The following TYR variants were observed in gnomAD, a reference collection of about 807,000 sequenced individuals.
TYR encodes the protein LB24-AB.
Under a neutral mutation model 51.5 loss-of-function variants are expected in TYR, and 58 were observed. The ratio of observed to expected loss-of-function variants is 1.13; its 90% confidence interval spans 0.91 to 1.40. TYR has a LOEUF of 1.40. Among genes scored for constraint, TYR ranks in the 40% most tolerant of loss-of-function variants. The probability of loss-of-function intolerance (pLI) is 0.00; values close to 1 mark genes in which losing one functional copy is unlikely to be tolerated. For missense variants in TYR, 732 were observed against 647.4 expected (o/e 1.13, Z -1.42); for synonymous variants, 263 against 235.2 (o/e 1.12, Z -1.08).
chr11:89,262,847 C>CAAAAAAAAAAAAAAAAAAAAAAAA (rs771958187), intron 3 of TYR, among the ~76,000 whole-genome samples: 4 of 19,306 alleles, frequency 2.1e-4, no homozygotes, highest in Admixed American at 7.5e-4. Context: ...GCTACTCATC[C>CAAAAAAAAAAAAAAAAAAAAAAAA]AAAAAAAAAA....
chr11:89,250,501 T>A (rs1028912276), intron 3 of TYR, among the ~76,000 whole-genome samples: 1 of 151,860 alleles, frequency 6.6e-6, no homozygotes, highest in Non-Finnish European at 1.5e-5. Context: ...GTATATTAGT[T>A]TTCTAGGGCT....
At position 89,178,694 on chromosome 11, in the gene TYR, C is replaced by A. The variant is rs1185485047; in HGVS notation, c.741C>A (p.Cys247Ter). The A allele has an allele frequency of 5.0e-6, 8 of 1,613,972 alleles. No homozygotes were observed. Among genetic ancestry groups the A allele is most frequent in the Non-Finnish European group, 5.9e-6 (7 of 1,179,958 alleles). The change falls in exon 1 of 5, where the codon TGC becomes TGA. Residue 247 changes from cysteine to a stop codon, truncating the protein, a stop_gained. Coordinates refer to ENST00000263321, the MANE Select transcript of TYR (RefSeq NM_000372.5). LOFTEE classifies it high-confidence loss of function. ...DWRDAEKCDICTDEYMGGQHP... is the reference protein window; with the variant it reads ...DWRDAEKCDI ...GGGATGCAGAAAAGTGTGACATTTG[C>A]ACAGATGAGTACATGGGAGGTCAGC...
At chr11:89,221,417 A>C (rs1943911180) in intron 2 of TYR, among the ~76,000 whole-genome samples, 1 of 152,200 alleles carries the variant, frequency 6.6e-6, no homozygotes, top group African/African-American at 2.4e-5. Context: ...ATGCTAATTA[A>C]TTACATTTAT....
At chr11:89,254,505 T>G (rs11018555) in intron 3 of TYR, among the ~76,000 whole-genome samples, 78,255 of 151,324 alleles carry the variant, frequency 0.52, 22,875 homozygotes, top group African/African-American at 0.82. Context: ...GTCGCTGCTT[T>G]TTATTGGTCT....
At chr11:89,239,426 T>C (rs548337998) in intron 3 of TYR, among the ~76,000 whole-genome samples, 1 of 152,208 alleles carries the variant, frequency 6.6e-6, no homozygotes, top group Non-Finnish European at 1.5e-5. Context: ...CTCTTTCATT[T>C]CTAATTTTAT....
chr11:89,229,436 T>G (rs192119015), intron 3 of TYR, among the ~76,000 whole-genome samples: 1 of 152,058 alleles, frequency 6.6e-6, no homozygotes, highest in South Asian at 2.1e-4. Flanking sequence ...CACTTTTTGG[T>G]GTAAATTTTT....
chr11:89,252,249 T>C (rs1488945747), intron 3 of TYR, among the ~76,000 whole-genome samples: 4 of 151,824 alleles, frequency 2.6e-5, no homozygotes, highest in African/African-American at 9.7e-5. Flanking sequence ...GAAAATTTAT[T>C]TTACATGCAT....
rs561933815 is a variant in TYR at position 89,215,847 on chromosome 11, T to C, written c.1037-11976T>C. Reference sequence around the variant, plus strand: ...ACCCTCCATAAGTCATTTAACTTCATACAGCTCATGTTTTTTATTTATAAG... The same window carrying C: ...ACCCTCCATAAGTCATTTAACTTCACACAGCTCATGTTTTTTATTTATAAG... On this transcript the variant is annotated intron_variant, in intron 2 of 4. Transcript: ENST00000263321. 1.7e-3 allele frequency among the ~76,000 whole-genome samples: 258 copies of C among 152,320 alleles called. 1 individual carries two copies. Among genetic ancestry groups the C allele is most frequent in the Non-Finnish European group, 2.7e-3 (186 of 68,024 alleles).
chr11:89,284,802 G>T lies in TYR; in HGVS notation c.1214G>T (p.Arg405Leu). ...SIFEQWLRRHRPLQEVYPEAN... is the reference protein window; with the variant it reads ...SIFEQWLRRHLPLQEVYPEAN... ...TTTGAGCAGTGGCTCCGAAGGCACCGTCCTCTTCAAGAAGTTTATCCAGAA... is the reference window on the plus strand; with the variant it reads ...TTTGAGCAGTGGCTCCGAAGGCACCTTCCTCTTCAAGAAGTTTATCCAGAA... Residue 405 changes from arginine to leucine, a missense_variant, in exon 4 of 5, where the codon CGT becomes CTT. Coordinates refer to ENST00000263321, the MANE Select transcript of TYR (RefSeq NM_000372.5). The T allele has an allele frequency of 6.2e-7, 1 of 1,611,588 alleles. No individual in the cohort carries two copies. The highest frequency in any genetic ancestry group is 1.1e-5 in the South Asian group (1 of 91,020).
chr11:89,213,230 T>G (rs1021799762), intron 2 of TYR, among the ~76,000 whole-genome samples: 9 of 152,132 alleles, frequency 5.9e-5, no homozygotes, highest in African/African-American at 2.2e-4. Context: ...ATAAGCAACT[T>G]CAGAAAAGTC....
chr11:89,191,678 T>C (rs1943448369), intron 2 of TYR, among the ~76,000 whole-genome samples: 1 of 152,064 alleles, frequency 6.6e-6, no homozygotes. Flanking sequence ...GTGGATCACT[T>C]GAACTCAGAA....
rs117049593 is a variant in TYR, at chr11:89,252,853, T to C, written c.1184+24883T>C. On this transcript the variant is annotated intron_variant, in intron 3 of 4. Coordinates refer to ENST00000263321, the MANE Select transcript of TYR (RefSeq NM_000372.5). ...GAAAAGGAAAGCAACATTCAGGAAA[T>C]ACTCCTTTGTTATGTCATTTAATTA... 2.9e-4 allele frequency among the ~76,000 whole-genome samples: 44 copies of C among 151,834 alleles called. No homozygotes were observed. The East Asian group carries it at 7.7e-3, about 27-fold the overall frequency.
chr11:89,206,645 A>G (rs1943676045), intron 2 of TYR, among the ~76,000 whole-genome samples: 1 of 145,142 alleles, frequency 6.9e-6, no homozygotes, highest in African/African-American at 2.7e-5. Flanking sequence ...CAACATTGAT[A>G]GAACATTCCA....
intron 3 of TYR, among the ~76,000 whole-genome samples, chr11:89,280,900 ATTTGTT>A (rs1476491306): frequency 2.6e-5 from 4 of 151,522 alleles, no homozygotes; most frequent in Non-Finnish European, 5.9e-5. Flanking sequence ...TCTCTAGTGT[ATTTGTT>A]TTTGTCTCTA....
At chr11:89,210,261 A>T (rs1943735303) in intron 2 of TYR, among the ~76,000 whole-genome samples, 1 of 152,258 alleles carries the variant, frequency 6.6e-6, no homozygotes, top group African/African-American at 2.4e-5. Context: ...TAACCAGTGT[A>T]GAGAAGAGCT....
At chr11:89,263,415 T>C (rs1487366950) in intron 3 of TYR, among the ~76,000 whole-genome samples, 3 of 151,046 alleles carry the variant, frequency 2.0e-5, no homozygotes, top group Non-Finnish European at 4.4e-5. Flanking sequence ...TATTAAAAAC[T>C]GAAAAAAAAA....
chr11:89,237,810 A>G (rs1944138155), intron 3 of TYR, among the ~76,000 whole-genome samples: 1 of 151,580 alleles, frequency 6.6e-6, no homozygotes, highest in Non-Finnish European at 1.5e-5. Flanking sequence ...CTTTCTTCCA[A>G]ATTTTGTATT....
chr11:89,274,421 C>A lies in TYR; in HGVS notation c.1185-10352C>A, dbSNP rs1243846112. Among the ~76,000 whole-genome samples the A allele has an allele frequency of 4.0e-5, 6 of 151,802 alleles. 1 individual carries two copies. The highest frequency in any genetic ancestry group is 1.5e-4 in the African/African-American group (6 of 41,378). On this transcript the variant is annotated intron_variant, in intron 3 of 4. Coordinates refer to ENST00000263321, the MANE Select transcript of TYR (RefSeq NM_000372.5). The stretch of plus-strand genomic sequence containing the variant: ...ACCAAATAGCAAATACTTAAAATGT[C>A]TTTTCTAAGGAAATTAAATTGGCTC...
intron 3 of TYR, among the ~76,000 whole-genome samples, chr11:89,276,168 A>G (rs1047559835): frequency 4.6e-5 from 7 of 151,842 alleles, no homozygotes; most frequent in African/African-American, 1.7e-4. Flanking sequence ...TGCTTTGAAA[A>G]CAACAATGCC....
Sources: allele counts gnomAD v4.1 joint callset (sites outside exome capture counted in the v4.1 genomes callset), GRCh38; gene constraint gnomAD v4.1.1; transcripts MANE v1.5; gene names NCBI Gene and HGNC (gene_info 2026-07-23, HGNC 2026-07-21).